The following ARHGAP29 variants were observed in gnomAD, a reference collection of about 807,000 sequenced individuals.
ARHGAP29 encodes rho GTPase-activating protein 29.
Under a neutral mutation model 122.6 loss-of-function variants are expected in ARHGAP29, and 43 were observed. That is an observed-to-expected ratio of 0.35 (90% confidence interval 0.27 to 0.45). The LOEUF is 0.45. Ranked by LOEUF, ARHGAP29 falls within the 20% of genes least tolerant of loss-of-function variation. The probability of loss-of-function intolerance (pLI) is 1.00; values close to 1 mark genes in which losing one functional copy is unlikely to be tolerated. For synonymous variants in ARHGAP29, 506 were observed against 497.1 expected, an observed-to-expected ratio of 1.02 and a Z score of -0.24; for missense variants, 1,303 against 1,477.2, an observed-to-expected ratio of 0.88 and a Z score of 1.93.
chr1:94,195,612 C>T (rs925023838), intron 12 of ARHGAP29: 2 of 151,696 alleles, frequency 1.3e-5, no homozygotes, highest in African/African-American at 4.8e-5. Context: ...TATCATAAGG[C>T]ATAAACAAAA....
At chr1:94,206,866 C>T (rs1409257766) in intron 5 of ARHGAP29, among the ~76,000 whole-genome samples, 1 of 142,110 alleles carries the variant, frequency 7.0e-6, no homozygotes, top group Non-Finnish European at 1.5e-5. Flanking sequence ...ACTGCACCAG[C>T]CCAGGTGAAG....
chr1:94,308,313 A>C, the ARHGAP29 span, among the ~76,000 whole-genome samples: 5 of 152,154 alleles, frequency 3.3e-5, no homozygotes, highest in African/African-American at 1.2e-4. Flanking sequence ...AAGGTTCTCA[A>C]TTTACCCCCC....
At chr1:94,295,690 A>G in the ARHGAP29 span, among the ~76,000 whole-genome samples, 1 of 72,120 alleles carries the variant, frequency 1.4e-5, no homozygotes, top group South Asian at 4.8e-4. Flanking sequence ...TGAAATACTT[A>G]CTCTAATTCT....
chr1:94,303,168 G>T, the ARHGAP29 span: 1 of 152,500 alleles, frequency 6.6e-6, no homozygotes, highest in African/African-American at 2.4e-5. Context: ...CCTGAAAAGG[G>T]AAGGACCTAG....
intron 1 of ARHGAP29, among the ~76,000 whole-genome samples, chr1:94,254,968 A>C (rs1170744789): frequency 6.6e-6 from 1 of 152,216 alleles, no homozygotes; most frequent in Admixed American, 6.5e-5. Context: ...GGAAAAGACA[A>C]AGGACATAAA....
the ARHGAP29 span, among the ~76,000 whole-genome samples, chr1:94,291,860 C>A: frequency 7.9e-5 from 12 of 152,328 alleles, no homozygotes; most frequent in Admixed American, 2.0e-4. Flanking sequence ...GGTAACCCAA[C>A]CCTTCTCTCC....
intron 1 of ARHGAP29, among the ~76,000 whole-genome samples, chr1:94,236,679 A>G (rs978805256): frequency 1.2e-4 from 18 of 151,978 alleles, no homozygotes; most frequent in Non-Finnish European, 2.2e-4. Context: ...CCGCCCCCCA[A>G]AAAATTTTTT....
At chr1:94,294,259 T>G in the ARHGAP29 span, among the ~76,000 whole-genome samples, 1 of 150,338 alleles carries the variant, frequency 6.7e-6, no homozygotes, top group Non-Finnish European at 1.5e-5. Context: ...TATATATACA[T>G]ACATGTGCAC....
At chr1:94,290,112 G>A in the ARHGAP29 span, among the ~76,000 whole-genome samples, 6 of 152,174 alleles carry the variant, frequency 3.9e-5, no homozygotes, top group Non-Finnish European at 8.8e-5. Flanking sequence ...CTGTGAATCC[G>A]TCTGGTCCTG....
intron 15 of ARHGAP29, among the ~76,000 whole-genome samples, chr1:94,186,828 T>C (rs1051987115): frequency 3.9e-5 from 6 of 152,186 alleles, no homozygotes; most frequent in African/African-American, 1.4e-4. Context: ...CTGAGGCTCA[T>C]GTAGTCCAAT....
At chr1:94,276,504 C>T (rs1466924928), upstream of ARHGAP29, among the ~76,000 whole-genome samples, 1 of 151,188 alleles carries the variant, frequency 6.6e-6, no homozygotes. Flanking sequence ...CAGTGGTTCA[C>T]ACCTGTAATC....
At position 94,168,943 on chromosome 1, in the gene ARHGAP29, ATGCT is replaced by A. The variant is rs1330914925; in HGVS notation, c.*4922_*4925del. ...TCGTTTAATCTATTTTCTGAACTGCATGCTTATTTTATGGATGCAGAGTAGATTG... is the reference window on the plus strand; with the variant it reads ...TCGTTTAATCTATTTTCTGAACTGCATATTTTATGGATGCAGAGTAGATTG... On this transcript the variant is annotated 3_prime_UTR_variant, in exon 23 of 23. Transcript: ENST00000260526. 3.9e-5 allele frequency among the ~76,000 whole-genome samples: 6 copies of A among 152,348 alleles called. No homozygotes were observed. Among genetic ancestry groups the A allele is most frequent in the Admixed American group, 2.6e-4 (4 of 15,308 alleles).
At chr1:94,232,493 A>G (rs1008753755) in intron 1 of ARHGAP29, among the ~76,000 whole-genome samples, 2 of 152,210 alleles carry the variant, frequency 1.3e-5, no homozygotes, top group East Asian at 3.8e-4. Context: ...TGTGATCATC[A>G]GAGCAATATT....
chr1:94,185,650 A>G lies in ARHGAP29; in HGVS notation c.1781-169T>C, dbSNP rs191656104. Among the ~76,000 whole-genome samples, 10 of 152,370 alleles carry G rather than the reference A, an allele frequency of 6.6e-5. No individual in the cohort carries two copies. The East Asian group carries it at 1.9e-3, about 29-fold the overall frequency. On this transcript the variant is annotated intron_variant, in intron 16 of 22. Coordinates refer to ENST00000260526, the MANE Select transcript of ARHGAP29 (RefSeq NM_004815.4). ...AGCATCCAATTTATAGGTCTAATTT[A>G]TAGATCTCTTAAAAGGCACATTTAT... is the stretch of plus-strand genomic sequence containing the variant.
rs1648752171 is a variant in ARHGAP29 at position 94,171,774 on chromosome 1, G to C, written c.*2095C>G. ...CATTTTTAAGCTGTGAGGGAAAACAGAGAAATGAGTTTATTACATGATATA... is the reference window on the plus strand; with the variant it reads ...CATTTTTAAGCTGTGAGGGAAAACACAGAAATGAGTTTATTACATGATATA... On this transcript the variant is annotated 3_prime_UTR_variant, in exon 23 of 23. Transcript: ENST00000260526. 1 of 152,154 alleles carries C rather than the reference G, an allele frequency of 6.6e-6. No individual in the cohort carries two copies. Among genetic ancestry groups the C allele is most frequent in the African/African-American group, 2.4e-5 (1 of 41,432 alleles). 9.4% of individuals were successfully genotyped at this position (152,154 alleles called of 1,614,324 possible). A position where few individuals can be genotyped will look rare whatever the true frequency, so the allele number is the denominator to read the frequency against.
At chr1:94,242,252 G>A (rs1653617701), upstream of ARHGAP29, among the ~76,000 whole-genome samples, 1 of 152,032 alleles carries the variant, frequency 6.6e-6, no homozygotes, top group African/African-American at 2.4e-5. Flanking sequence ...GAGACCTACT[G>A]AACACCCCAG....
intron 5 of ARHGAP29, among the ~76,000 whole-genome samples, chr1:94,208,414 A>G (rs1185399533): frequency 6.6e-6 from 1 of 152,174 alleles, no homozygotes; most frequent in Non-Finnish European, 1.5e-5. Context: ...TAAACTTTAA[A>G]GAAATATTAT....
Position 94,173,866 on chromosome 1 carries a change from TCCCTACACAAATTGTGGAATTTCAC to T in ARHGAP29, c.3764_*2del. 1 of 1,594,986 alleles carries T rather than the reference TCCCTACACAAATTGTGGAATTTCAC, an allele frequency of 6.3e-7. No homozygotes were observed. The highest frequency in any genetic ancestry group is 8.6e-7 in the Non-Finnish European group (1 of 1,167,070). On this transcript the variant is annotated stop_lost and 3_prime_UTR_variant, in exon 23 of 23. Transcript: ENST00000260526. ...AACAAAAAAACCCTGAAATTTGACATCCCTACACAAATTGTGGAATTTCACCTTCGAGGTCTTCAAACTGTTGCAT... is the reference window on the plus strand; with the variant it reads ...AACAAAAAAACCCTGAAATTTGACATCTTCGAGGTCTTCAAACTGTTGCAT...
At chr1:94,267,132 G>T (rs143556969) in intron 1 of ARHGAP29, among the ~76,000 whole-genome samples, 1 of 152,174 alleles carries the variant, frequency 6.6e-6, no homozygotes, top group African/African-American at 2.4e-5. Flanking sequence ...CAGTTGCCTC[G>T]TTAGCATTTT....
Sources: gnomAD v4.1 joint callset for allele counts (sites outside exome capture counted in the v4.1 genomes callset) on GRCh38, gnomAD v4.1.1 for gene constraint, MANE v1.5 for transcripts, NCBI Gene and HGNC (gene_info 2026-07-23, HGNC 2026-07-21) for gene names.